KCNIP1: variants seen among roughly 807,000 people sequenced by gnomAD.
The protein encoded by KCNIP1 is A-type potassium channel modulatory protein KCNIP1.
A neutral mutation model predicts 33.0 loss-of-function variants in KCNIP1; 18 were observed. The observed-to-expected ratio is 0.55, with a 90% confidence interval of 0.38 to 0.81. The LOEUF (loss-of-function observed/expected upper bound fraction) is 0.81, where lower values mean the gene tolerates loss of function less well. Among genes scored for constraint, KCNIP1 ranks in the 30% least tolerant of loss-of-function variants. The probability of loss-of-function intolerance (pLI) is 0.00; values close to 1 mark genes in which losing one functional copy is unlikely to be tolerated. For synonymous variants in KCNIP1, 93 were observed against 98.3 expected (o/e 0.95, Z 0.32); for missense variants, 238 against 271.6 (o/e 0.88, Z 0.87).
At chr5:170,674,463 T>G (rs76545692) in intron 1 of KCNIP1, among the ~76,000 whole-genome samples, 11,353 of 152,244 alleles carry the variant, frequency 0.075, 433 homozygotes, top group Middle Eastern at 0.095. Flanking sequence ...GTGCAGTCAT[T>G]AATGAATGTG....
chr5:170,576,302 A>G (rs1332588986), intron 1 of KCNIP1, among the ~76,000 whole-genome samples: 2 of 152,340 alleles, frequency 1.3e-5, no homozygotes, highest in Non-Finnish European at 1.5e-5. Context: ...TGTGACAACT[A>G]AAGACTTCAG....
chr5:170,575,008 G>GA (rs1347286774), intron 1 of KCNIP1, among the ~76,000 whole-genome samples: 1 of 151,954 alleles, frequency 6.6e-6, no homozygotes, highest in African/African-American at 2.4e-5. Flanking sequence ...GCAGTTCCAG[G>GA]AAAAAAGAGC....
intron 1 of KCNIP1, among the ~76,000 whole-genome samples, chr5:170,593,775 G>A (rs1225142026): frequency 6.6e-6 from 1 of 152,166 alleles, no homozygotes; most frequent in Non-Finnish European, 1.5e-5. Flanking sequence ...CCTGAGTGGA[G>A]GGAGCCGGAG....
rs1164465867 is a variant in KCNIP1, at chr5:170,735,314, T to C, written c.604-445T>C. Among the ~76,000 whole-genome samples, 4 of 152,272 alleles carry C rather than the reference T, an allele frequency of 2.6e-5. No homozygotes were observed. In the South Asian group the frequency reaches 8.3e-4, roughly 32 times the overall value. ...TATTAAGCAATACACTTCTAATTCA[T>C]GGTTCAGAGAAGAAAATATCTCGAA... is the stretch of plus-strand genomic sequence containing the variant. On this transcript the variant is annotated intron_variant, in intron 7 of 7. Coordinates refer to ENST00000328939, the MANE Select transcript of KCNIP1 (RefSeq NM_014592.4).
At chr5:170,453,151 A>C (rs1756295213) in intron 1 of KCNIP1, among the ~76,000 whole-genome samples, 1 of 152,216 alleles carries the variant, frequency 6.6e-6, no homozygotes, top group Admixed American at 6.5e-5. Flanking sequence ...CTCCAAATTG[A>C]CGACTTGAAA....
chr5:170,712,781 T>G (rs1200837542), intron 1 of KCNIP1: 1 of 1,450,384 alleles, frequency 6.9e-7, no homozygotes, highest in Non-Finnish European at 9.7e-7. Context: ...GCGGCCTCTC[T>G]CCATTGACAA....
intron 1 of KCNIP1, among the ~76,000 whole-genome samples, chr5:170,366,524 C>G (rs1459817610): frequency 6.6e-6 from 1 of 152,230 alleles, no homozygotes; most frequent in Non-Finnish European, 1.5e-5. Context: ...CAGGCTCCCC[C>G]ATGTTCATTA....
At chr5:170,369,981 T>G (rs1425164167) in intron 1 of KCNIP1, among the ~76,000 whole-genome samples, 1 of 152,106 alleles carries the variant, frequency 6.6e-6, no homozygotes. Flanking sequence ...GTAGGACCCT[T>G]TTTCCCCAGG....
chr5:170,522,136 C>T (rs1015240643), intron 1 of KCNIP1, among the ~76,000 whole-genome samples: 2 of 152,218 alleles, frequency 1.3e-5, no homozygotes, highest in African/African-American at 4.8e-5. Flanking sequence ...AGCCCAGGTA[C>T]TATGTGGTCA....
chr5:170,612,942 A>G (rs964996594), intron 1 of KCNIP1, among the ~76,000 whole-genome samples: 1 of 152,098 alleles, frequency 6.6e-6, no homozygotes, highest in Non-Finnish European at 1.5e-5. Flanking sequence ...TTGTGGCAAT[A>G]GCCTCCTGAA....
rs1320573978 is a variant in KCNIP1, at chr5:170,733,827, G to A, written c.541-9G>A. 1.2e-6 allele frequency: 2 copies of A among 1,609,812 alleles called. No homozygotes were observed. The highest frequency in any genetic ancestry group is 1.7e-6 in the Non-Finnish European group (2 of 1,176,210). Reference sequence around the variant, plus strand: ...GATTCTGTAAAGTGCTTTCTGTTATGTCTTTCAGAAAATGGACAAAAATAA... The same window carrying A: ...GATTCTGTAAAGTGCTTTCTGTTATATCTTTCAGAAAATGGACAAAAATAA... On this transcript the variant is annotated splice_polypyrimidine_tract_variant and intron_variant, in intron 6 of 7. Coordinates refer to ENST00000328939, the MANE Select transcript of KCNIP1 (RefSeq NM_014592.4).
chr5:170,462,806 A>G (rs1756534805), intron 1 of KCNIP1, among the ~76,000 whole-genome samples: 1 of 152,232 alleles, frequency 6.6e-6, no homozygotes. Flanking sequence ...GGAATGAATT[A>G]GTGGCATTCA....
intron 1 of KCNIP1, among the ~76,000 whole-genome samples, chr5:170,396,722 T>C (rs1754771118): frequency 6.6e-6 from 1 of 152,208 alleles, no homozygotes; most frequent in Admixed American, 6.5e-5. Context: ...AGGGGGGTTA[T>C]GGAAACTAAG....
chr5:170,605,076 G>C (rs1758852262), intron 1 of KCNIP1, among the ~76,000 whole-genome samples: 1 of 152,186 alleles, frequency 6.6e-6, no homozygotes, highest in African/African-American at 2.4e-5. Context: ...AGGCCAACTT[G>C]GGTTTGATTT....
intron 1 of KCNIP1, among the ~76,000 whole-genome samples, chr5:170,622,964 A>G (rs112797854): frequency 0.019 from 2,955 of 152,308 alleles, 115 homozygotes; most frequent in African/African-American, 0.067. Context: ...TTCAGGATGA[A>G]ACTGTTCCGC....
intron 1 of KCNIP1, among the ~76,000 whole-genome samples, chr5:170,558,261 G>A (rs1024463182): frequency 7.2e-5 from 11 of 152,324 alleles, no homozygotes; most frequent in South Asian, 4.1e-4. Context: ...AACTGAGCCC[G>A]TAATTACATC....
chr5:170,704,685 G>A (rs1763199410), intron 1 of KCNIP1, among the ~76,000 whole-genome samples: 1 of 152,180 alleles, frequency 6.6e-6, no homozygotes, highest in African/African-American at 2.4e-5. Flanking sequence ...TTTCTCCAGG[G>A]TGAGGAATCT....
chr5:170,446,923 C>T (rs1279723447), intron 1 of KCNIP1, among the ~76,000 whole-genome samples: 1 of 152,232 alleles, frequency 6.6e-6, no homozygotes, highest in East Asian at 1.9e-4. Context: ...ACCAAATTTC[C>T]TCTCTCTACA....
At position 170,521,036 on chromosome 5, in the gene KCNIP1, T is replaced by C. The variant is rs111424325; in HGVS notation, c.61+16403T>C. Among the ~76,000 whole-genome samples, 178 of 152,294 alleles carry C rather than the reference T, an allele frequency of 1.2e-3. 1 individual carries two copies. Among genetic ancestry groups the C allele is most frequent in the African/African-American group, 4.1e-3 (169 of 41,556 alleles). ...TGCCTGCTCCATAATAGACACCCGT[T>C]TGAGAATTAACGTTTGGGTTGTTAC... is the stretch of plus-strand genomic sequence containing the variant. On this transcript the variant is annotated intron_variant, in intron 1 of 7. Coordinates refer to ENST00000328939, the MANE Select transcript of KCNIP1 (RefSeq NM_014592.4).
Sources: gnomAD v4.1 joint callset for allele counts (sites outside exome capture counted in the v4.1 genomes callset) on GRCh38, gnomAD v4.1.1 for gene constraint, MANE v1.5 for transcripts, NCBI Gene and HGNC (gene_info 2026-07-23, HGNC 2026-07-21) for gene names.